The following FAT3 variants were observed in gnomAD, a reference collection of about 807,000 sequenced individuals.
FAT3 encodes the protein FAT atypical cadherin 3.
FAT3 carries 95 observed loss-of-function variants against 310.2 expected under a neutral mutation model. The ratio of observed to expected loss-of-function variants is 0.31; its 90% CI spans 0.26 to 0.36. FAT3 has a LOEUF of 0.36. FAT3 is among the 10% of genes least tolerant of loss of function. FAT3 has a pLI of 1.00. For missense variants in FAT3, 5,408 were observed against 5,715.6 expected (o/e 0.95, Z 1.74); for synonymous variants, 2,314 against 2,192.9 (o/e 1.06, Z -1.54).
intron 1 of FAT3, among the ~76,000 whole-genome samples, chr11:92,234,851 G>A (rs1470015409): frequency 2.0e-5 from 3 of 150,084 alleles, no homozygotes; most frequent in African/African-American, 4.9e-5. Context: ...GCAATGAGCC[G>A]AGATTGTGCC....
chr11:92,249,315 C>G (rs372272771), intron 1 of FAT3, among the ~76,000 whole-genome samples: 3 of 152,014 alleles, frequency 2.0e-5, no homozygotes, highest in African/African-American at 4.8e-5. Context: ...TGTGTACAGA[C>G]TCACCACCTG....
intron 1 of FAT3, among the ~76,000 whole-genome samples, chr11:92,236,008 C>T (rs539131590): frequency 6.6e-6 from 1 of 152,278 alleles, no homozygotes; most frequent in East Asian, 1.9e-4. Flanking sequence ...GTGCTGAGTT[C>T]TTTGTGTCTC....
rs1027608863 is a variant in FAT3 at position 92,224,872 on chromosome 11, G to C, written c.-320G>C. 4.6e-5 allele frequency among the ~76,000 whole-genome samples: 7 copies of C among 151,976 alleles called. No homozygotes were observed. The highest frequency in any genetic ancestry group is 1.0e-4 in the Non-Finnish European group (7 of 67,980). On this transcript the variant is annotated 5_prime_UTR_variant, in exon 1 of 28. Transcript: ENST00000525166. The stretch of plus-strand genomic sequence containing the variant: ...GACAGGAGAGCCGGCGCTCCTCCCC[G>C]CAGGCTGCGCTGTGAACTGGCCTGC...
chr11:92,416,422 C>T (rs574610793), intron 2 of FAT3, among the ~76,000 whole-genome samples: 8 of 151,534 alleles, frequency 5.3e-5, no homozygotes, highest in South Asian at 2.1e-4. Flanking sequence ...AAACCTTCCA[C>T]GTTAACATCA....
chr11:92,266,537 C>G (rs1472956203), intron 1 of FAT3, among the ~76,000 whole-genome samples: 1 of 152,000 alleles, frequency 6.6e-6, no homozygotes, highest in Non-Finnish European at 1.5e-5. Context: ...TTAATTCTAG[C>G]GGGTATATGT....
intron 2 of FAT3, among the ~76,000 whole-genome samples, chr11:92,481,937 T>A (rs1426237875): frequency 6.6e-6 from 1 of 152,200 alleles, no homozygotes; most frequent in Non-Finnish European, 1.5e-5. Context: ...ATTTAGAAAA[T>A]TAAAGTTTCC....
At chr11:92,460,756 C>T (rs538730397) in intron 2 of FAT3, among the ~76,000 whole-genome samples, 69 of 152,260 alleles carry the variant, frequency 4.5e-4, no homozygotes, top group Non-Finnish European at 8.7e-4. Context: ...CACCTAGTAC[C>T]TCTACTCATT....
intron 1 of FAT3, chr11:92,314,362 A>ATT: frequency 3.6e-6 from 3 of 838,722 alleles, no homozygotes; most frequent in Non-Finnish European, 4.3e-6. Context: ...ATTTGTAAAA[A>ATT]AACATATGAA....
At chr11:92,271,476 T>C (rs1565192615) in intron 1 of FAT3, among the ~76,000 whole-genome samples, 1 of 152,146 alleles carries the variant, frequency 6.6e-6, no homozygotes, top group Non-Finnish European at 1.5e-5. Flanking sequence ...ATCTCATTTA[T>C]TTCGTTTTCT....
intron 3 of FAT3, among the ~76,000 whole-genome samples, chr11:92,529,524 G>A (rs939074519): frequency 6.6e-6 from 1 of 151,988 alleles, no homozygotes; most frequent in Non-Finnish European, 1.5e-5. Context: ...ATTTTAAAGG[G>A]CCTTGTTTTT....
intron 2 of FAT3, among the ~76,000 whole-genome samples, chr11:92,438,028 A>T (rs1469227207): frequency 6.6e-6 from 1 of 152,202 alleles, no homozygotes; most frequent in Non-Finnish European, 1.5e-5. Context: ...CTCACAGTTG[A>T]TGCTGAAAAC....
chr11:92,472,967 GT>G (rs1951948665), intron 2 of FAT3, among the ~76,000 whole-genome samples: 2 of 152,156 alleles, frequency 1.3e-5, no homozygotes, highest in South Asian at 4.1e-4. Context: ...CTTCCAGTTT[GT>G]TCCTCCACAT....
At chr11:92,887,215 C>T in intron 25 of FAT3, 102 bp downstream of exon 25, 1 of 974,734 alleles carries the variant, frequency 1.0e-6, no homozygotes, top group South Asian at 1.5e-5. Context: ...GTTTCTCAAC[C>T]TGTTCATGGG....
chr11:92,837,252 C>G (rs1241446968), intron 16 of FAT3, among the ~76,000 whole-genome samples: 1 of 152,142 alleles, frequency 6.6e-6, no homozygotes, highest in Non-Finnish European at 1.5e-5. Flanking sequence ...ATGCTCATAA[C>G]CCCAGAAATA....
At chr11:92,713,746 A>C (rs1944594799) in intron 4 of FAT3, among the ~76,000 whole-genome samples, 1 of 152,220 alleles carries the variant, frequency 6.6e-6, no homozygotes, top group Admixed American at 6.5e-5. Context: ...AATATTATTA[A>C]ATTTGAAAAT....
chr11:92,231,808 T>G (rs1478914504), intron 1 of FAT3, among the ~76,000 whole-genome samples: 3 of 150,972 alleles, frequency 2.0e-5, no homozygotes, highest in Non-Finnish European at 3.0e-5. Flanking sequence ...TATCAGGGTT[T>G]TTTTTTTTTG....
Position 92,801,740 on chromosome 11 carries a change from G to A in FAT3, c.8727G>A (p.Leu2909=). The A allele has an allele frequency of 6.2e-7, 1 of 1,613,906 alleles. No individual in the cohort carries two copies. ...CATTCTCTCTTTCCTCCACGGCCTTGGTCTCTGTCAGAGTGACAGATATAA... is the reference window on the plus strand; with the variant it reads ...CATTCTCTCTTTCCTCCACGGCCTTAGTCTCTGTCAGAGTGACAGATATAA... ...GEAFSLSSTA[L]VSVRVTDIND... The change falls in exon 10 of 28, where the codon TTG becomes TTA. Residue 2909 remains leucine (L), a synonymous_variant. Transcript: ENST00000525166.
At chr11:92,889,801 C>A (rs1183658139) in intron 26 of FAT3, 55 bp from the exon 27 acceptor site, 2 of 717,210 alleles carry the variant, frequency 2.8e-6, no homozygotes, top group Non-Finnish European at 5.2e-6. Flanking sequence ...TCTGTTTTAT[C>A]CCTCTTCACA....
intron 12 of FAT3, among the ~76,000 whole-genome samples, chr11:92,806,868 T>C (rs530513509): frequency 6.6e-6 from 1 of 152,234 alleles, no homozygotes; most frequent in Admixed American, 6.5e-5. Flanking sequence ...AAATGAATAA[T>C]CTGGAGGGCA....
Sources: gnomAD v4.1 joint callset for allele counts (sites outside exome capture counted in the v4.1 genomes callset) on GRCh38, gnomAD v4.1.1 for gene constraint, MANE v1.5 for transcripts, NCBI Gene and HGNC (gene_info 2026-07-23, HGNC 2026-07-21) for gene names.